HELLS: variants seen among roughly 807,000 people sequenced by gnomAD.
HELLS encodes the protein lymphoid-specific helicase.
Under a neutral mutation model 120.0 loss-of-function variants are expected in HELLS, and 32 were observed. The ratio of observed to expected loss-of-function variants is 0.27; its 90% CI spans 0.20 to 0.36. The LOEUF is 0.36. HELLS is among the 10% of genes least tolerant of loss of function. The probability of loss-of-function intolerance (pLI) is 1.00; values close to 1 mark genes in which losing one functional copy is unlikely to be tolerated. For missense variants in HELLS, 650 were observed against 993.4 expected, an observed-to-expected ratio of 0.65 and a Z score of 4.65; for synonymous variants, 341 against 323.4, an observed-to-expected ratio of 1.05 and a Z score of -0.58.
At chr10:94,603,404 AG>A (rs987597886), downstream of HELLS, among the ~76,000 whole-genome samples, 14 of 152,196 alleles carry the variant, frequency 9.2e-5, no homozygotes, top group Admixed American at 2.6e-4. Context: ...TTTGGCTTCT[AG>A]GAAACATATT....
intron 3 of HELLS, among the ~76,000 whole-genome samples, chr10:94,554,599 C>T (rs1246150712): frequency 6.7e-6 from 1 of 149,370 alleles, no homozygotes; most frequent in African/African-American, 2.5e-5. Context: ...TCACCATTTC[C>T]TGGTATACAA....
intron 3 of HELLS, 125 bp from the exon 4 acceptor site, chr10:94,558,014 C>A: frequency 1.6e-6 from 2 of 1,271,914 alleles, no homozygotes; most frequent in East Asian, 2.9e-5. Context: ...AAGTTCCTCC[C>A]TGGTTTTTAA....
chr10:94,553,870 C>A (rs1328901456), intron 2 of HELLS, among the ~76,000 whole-genome samples: 1 of 152,054 alleles, frequency 6.6e-6, no homozygotes, highest in Non-Finnish European at 1.5e-5. Context: ...TTAAATGGAC[C>A]TTCCAACTCA....
At chr10:94,570,249 C>G (rs545731859) in intron 6 of HELLS, 2 of 151,634 alleles carry the variant, frequency 1.3e-5, no homozygotes, top group Admixed American at 1.3e-4. Flanking sequence ...ACCATGTTGC[C>G]CATGCTTGAT....
intron 10 of HELLS, chr10:94,577,141 AAG>A (rs1564599023): frequency 4.7e-6 from 2 of 428,250 alleles, no homozygotes; most frequent in East Asian, 6.7e-5. Context: ...TTAATCAAAT[AAG>A]AGTATTTGAA....
intron 6 of HELLS, among the ~76,000 whole-genome samples, chr10:94,564,778 A>G (rs944534585): frequency 2.2e-4 from 34 of 152,040 alleles, no homozygotes; most frequent in African/African-American, 8.0e-4. Flanking sequence ...TATTTTTAGT[A>G]GAGACAGGGT....
rs183018291 is a variant in HELLS, at chr10:94,556,228, G to A, written c.277-1911G>A. 2.0e-4 allele frequency among the ~76,000 whole-genome samples: 30 copies of A among 152,324 alleles called. No homozygotes were observed. In the East Asian group the frequency reaches 4.6e-3, roughly 23 times the overall value. On this transcript the variant is annotated intron_variant, in intron 3 of 21. Coordinates refer to ENST00000348459, the MANE Select transcript of HELLS (RefSeq NM_018063.5). ...GTCACTGCAGAAATGCTTGTTTGGT[G>A]TATAGGGAAAACCCCCACACATTGG...
At chr10:94,581,235 C>A in intron 10 of HELLS, 91 bp from the exon 11 acceptor site, 2 of 656,668 alleles carry the variant, frequency 3.0e-6, no homozygotes, top group Non-Finnish European at 5.0e-6. Context: ...CAACATCCAT[C>A]CCTCATAATA....
At position 94,590,639 on chromosome 10, in the gene HELLS, G is replaced by A. The variant is rs754012040; in HGVS notation, c.1630G>A (p.Ala544Thr). The stretch of plus-strand genomic sequence containing the variant: ...TATATGCATTATTTGTTTTGGTAGA[G>A]CTGTTGTGGAAGTGAATATCCCTGT... ...QIQPEVDRER[A>T]VVEVNIPVES... is the part of the protein sequence containing the mutation. Residue 544 changes from alanine (A) to threonine (T), a missense_variant and splice_region_variant, in exon 15 of 22, where the codon GCT becomes ACT. Around this residue, in one of 9 missense-constraint regions of HELLS, gnomAD observed 191 missense variants for 259.7 expected, o/e 0.74. Transcript: ENST00000348459. 1 of 1,608,334 alleles carries A rather than the reference G, an allele frequency of 6.2e-7. No homozygotes were observed. Among genetic ancestry groups the A allele is most frequent in the Non-Finnish European group, 8.5e-7 (1 of 1,178,512 alleles).
At chr10:94,588,485 CCAGGCTGTGGTGCAGTG>C in intron 13 of HELLS, 95 bp downstream of exon 13, 1 of 914,972 alleles carries the variant, frequency 1.1e-6, no homozygotes. Flanking sequence ...GCTCTGTCAC[CCAGGCTGTGGTGCAGTG>C]GCACAATCAC....
chr10:94,558,100 C>A, intron 3 of HELLS, 39 bp from the exon 4 acceptor site: 1 of 1,543,186 alleles, frequency 6.5e-7, no homozygotes, highest in Admixed American at 2.4e-5. Context: ...TTAAATGTTG[C>A]ACTTTCCACT....
At chr10:94,575,768 TG>T (rs1844430185) in intron 9 of HELLS, among the ~76,000 whole-genome samples, 1 of 65,158 alleles carries the variant, frequency 1.5e-5, no homozygotes, top group Non-Finnish European at 3.0e-5. Context: ...GGGGGGGTTG[TG>T]TTTGTGTGTG....
In HELLS at chr10:94,545,808, T is replaced by C. The variant is rs780999892; in HGVS notation, c.-114T>C. ...CCCGCGAAGGAGAAGCGCGCTTTTT[T>C]CCCTGGCGGGGGATTTGGCTAGAAG... On this transcript the variant is annotated 5_prime_UTR_variant, in exon 1 of 22. Transcript: ENST00000348459. The C allele has an allele frequency of 1.6e-6, 2 of 1,256,330 alleles. No homozygotes were observed. The highest frequency in any genetic ancestry group is 1.5e-5 in the African/African-American group (1 of 67,340). 77.8% of individuals were successfully genotyped at this position (1,256,330 alleles called of 1,614,324 possible).
At chr10:94,595,779 C>T (rs1456467764) in intron 19 of HELLS, among the ~76,000 whole-genome samples, 3 of 152,108 alleles carry the variant, frequency 2.0e-5, no homozygotes, top group African/African-American at 7.2e-5. Context: ...TGTTGAAAAT[C>T]ATTTATGTAA....
At chr10:94,574,934 T>C (rs1844358102) in intron 9 of HELLS, among the ~76,000 whole-genome samples, 198 bp downstream of exon 9, 1 of 152,158 alleles carries the variant, frequency 6.6e-6, no homozygotes, top group South Asian at 2.1e-4. Flanking sequence ...CTGACATCTT[T>C]CCTAAAATAT....
chr10:94,592,108 G>T lies in HELLS; in HGVS notation c.1768-121G>T, dbSNP rs918951273. On this transcript the variant is annotated intron_variant, in intron 15 of 21. Transcript: ENST00000348459. ...TGATTTTACAAAGATTGAATAACAG[G>T]TCAGTTTTTAAGTTTTTTAAGTGAC... 6.6e-5 allele frequency: 41 copies of T among 621,878 alleles called. No homozygotes were observed. In the Admixed American group the frequency reaches 7.2e-4, roughly 11 times the overall value. The allele number at this position is 621,878 out of a possible 1,614,324, so 38.5% of individuals were successfully genotyped here.
chr10:94,593,434 T>G, intron 17 of HELLS, 65 bp from the exon 18 acceptor site: 1 of 978,318 alleles, frequency 1.0e-6, no homozygotes, highest in Non-Finnish European at 1.6e-6. Context: ...GAAAACATTT[T>G]TCTCCTTCAG....
At chr10:94,551,636 C>T (rs977040453) in intron 2 of HELLS, among the ~76,000 whole-genome samples, 3 of 151,868 alleles carry the variant, frequency 2.0e-5, no homozygotes, top group Admixed American at 1.3e-4. Flanking sequence ...AAATGTAAGG[C>T]AATATAAAAT....
At chr10:94,607,084 T>C (rs182362517), downstream of HELLS, among the ~76,000 whole-genome samples, 300 of 152,324 alleles carry the variant, frequency 2.0e-3, 5 homozygotes, top group Admixed American at 0.018. Flanking sequence ...TAAAATACTC[T>C]ACCCTGTCTA....
Sources: allele counts gnomAD v4.1 joint callset (sites outside exome capture counted in the v4.1 genomes callset), GRCh38; gene constraint gnomAD v4.1.1; regional missense constraint gnomAD v4.1.1; transcripts MANE v1.5; gene names NCBI Gene and HGNC (gene_info 2026-07-23, HGNC 2026-07-21).